The following KIAA1755 variants were observed in gnomAD, a reference collection of about 807,000 sequenced individuals.
KIAA1755 encodes the protein uncharacterized protein KIAA1755.
KIAA1755 carries 68 observed loss-of-function variants against 91.7 expected under a neutral mutation model. The observed-to-expected ratio is 0.74, with a 90% CI of 0.61 to 0.91. The LOEUF (loss-of-function observed/expected upper bound fraction) is 0.91. Ranked by LOEUF, KIAA1755 falls within the 40% of genes least tolerant of loss-of-function variation. The pLI is 0.00. For missense variants in KIAA1755, 1,535 were observed against 1,494.4 expected, an observed-to-expected ratio of 1.03 and a Z score of -0.45; for synonymous variants, 610 against 604.6, an observed-to-expected ratio of 1.01 and a Z score of -0.13.
chr20:38,251,271 G>T (rs897742970), intron 1 of KIAA1755, among the ~76,000 whole-genome samples: 1 of 152,156 alleles, frequency 6.6e-6, no homozygotes, highest in African/African-American at 2.4e-5. Context: ...CCCAGAGGAA[G>T]TCTTTCTCCT....
chr20:38,250,812 G>A (rs988348944), intron 1 of KIAA1755, among the ~76,000 whole-genome samples: 1 of 151,978 alleles, frequency 6.6e-6, no homozygotes, highest in Non-Finnish European at 1.5e-5. Flanking sequence ...GCGCCATGAT[G>A]TTCTACACAG....
Position 38,240,602 on chromosome 20 carries a change from CG to C in KIAA1755, c.1528del (p.Arg510GlufsTer25). ...CTTACCTTTCCCCAAAGATTTGGCT[CG>C]GTTGGGTTTAGGAGAGTAGAGGGAA... The part of the protein sequence containing the change: ...LCSLYSPKPN[R>X]AKSLGKAGTT... On this transcript the variant is annotated frameshift_variant, in exon 3 of 14. Transcript: ENST00000279024. LOFTEE classifies it high-confidence loss of function. The C allele has an allele frequency of 6.7e-7, 1 of 1,484,032 alleles. No individual in the cohort carries two copies. Among genetic ancestry groups the C allele is most frequent in the South Asian group, 1.5e-5 (1 of 67,496 alleles). 91.9% of individuals were successfully genotyped at this position (1,484,032 alleles called of 1,614,324 possible).
Position 38,225,656 on chromosome 20 carries a change from G to T in KIAA1755, c.2169+9C>A. The T allele has an allele frequency of 6.4e-7, 1 of 1,563,374 alleles. No individual in the cohort carries two copies. The highest frequency in any genetic ancestry group is 8.8e-7 in the Non-Finnish European group (1 of 1,133,870). On this transcript the variant is annotated intron_variant, in intron 8 of 13. Coordinates refer to ENST00000279024, the MANE Select transcript of KIAA1755 (RefSeq NM_001029864.2). ...GGGGTCAGGGGCTAAAGGCTGTGAC[G>T]GTAAACACCTGGAAGAAATGAACCC... is the stretch of plus-strand genomic sequence containing the variant.
At position 38,213,597 on chromosome 20, in the gene KIAA1755, G is replaced by A. The variant is rs573594717; in HGVS notation, c.3048C>T (p.Ala1016=). 5.3e-5 allele frequency: 86 copies of A among 1,609,570 alleles called. 1 individual carries two copies. In the East Asian group the frequency reaches 1.7e-3, roughly 31 times the overall value. Residue 1016 remains alanine (A), a synonymous_variant, in exon 14 of 14, where the codon GCC becomes GCT. Transcript: ENST00000279024. ...ASEFPAEKLA[A]VGLQVASLSR... ...TCAGGGAGGCCACCTGCAGCCCCAC[G>A]GCTGCGAGCTTCTCAGCAGGGAACT...
At chr20:38,255,984 T>C (rs1254257875) in intron 1 of KIAA1755, among the ~76,000 whole-genome samples, 1 of 152,250 alleles carries the variant, frequency 6.6e-6, no homozygotes, top group African/African-American at 2.4e-5. Context: ...CTGTCTTGTG[T>C]GTTAGGCCCC....
chr20:38,219,738 G>A lies in KIAA1755; in HGVS notation c.2448C>T (p.Tyr816=), dbSNP rs1162249193. The change falls in exon 11 of 14, where the codon TAC becomes TAT. Residue 816 remains tyrosine (Y), a synonymous_variant. Coordinates refer to ENST00000279024, the MANE Select transcript of KIAA1755 (RefSeq NM_001029864.2). ...CATGAAGCTGCTCGTCCACAAGGCT[G>A]TACAAGGCAGTGGCTGCAGCCAGAT... is the stretch of plus-strand genomic sequence containing the variant. ...RSHLAAATAL[Y]SLVDEQLHVL... 6.2e-7 allele frequency: 1 copy of A among 1,614,186 alleles called. No homozygotes were observed. Among genetic ancestry groups the A allele is most frequent in the South Asian group, 1.1e-5 (1 of 91,090 alleles).
chr20:38,222,394 G>A, intron 10 of KIAA1755, 55 bp downstream of exon 10: 1 of 1,575,062 alleles, frequency 6.3e-7, no homozygotes, highest in Non-Finnish European at 8.6e-7. Flanking sequence ...CCAGCTCCAA[G>A]CTCCTGGGCC....
At chr20:38,235,149 A>C (rs2075938356) in intron 4 of KIAA1755, among the ~76,000 whole-genome samples, 1 of 152,218 alleles carries the variant, frequency 6.6e-6, no homozygotes, top group Non-Finnish European at 1.5e-5. Flanking sequence ...AATGTATTCT[A>C]TTTATGGATA....
intron 1 of KIAA1755, among the ~76,000 whole-genome samples, chr20:38,247,639 C>T (rs1353457731): frequency 2.0e-5 from 3 of 152,206 alleles, no homozygotes; most frequent in Non-Finnish European, 2.9e-5. Context: ...AACCTGTGAA[C>T]GTGCTGTTAC....
At chr20:38,245,705 A>G (rs1040093275) in intron 2 of KIAA1755, among the ~76,000 whole-genome samples, 1 of 152,182 alleles carries the variant, frequency 6.6e-6, no homozygotes, top group African/African-American at 2.4e-5. Context: ...TCTGCTGGTG[A>G]CAGTACAATG....
In KIAA1755 at chr20:38,241,650, G is replaced by A. The variant is rs770667180; in HGVS notation, c.481C>T (p.Pro161Ser). 1 of 1,614,242 alleles carries A rather than the reference G, an allele frequency of 6.2e-7. No individual in the cohort carries two copies. Among genetic ancestry groups the A allele is most frequent in the Admixed American group, 1.7e-5 (1 of 60,028 alleles). The change falls in exon 3 of 14, where the codon CCC becomes TCC. Residue 161 changes from proline (P) to serine (S), a missense_variant. By Grantham distance (74) the Pro-to-Ser change is moderately conservative. Transcript: ENST00000279024. ...EAINSDFEGN[P>S]LHNCLVASEN... ...GATGCTACCAAGCAGTTGTGTAGGG[G>A]ATTTCCCTCAAAGTCACTGTTGATG...
At chr20:38,238,614 T>C (rs574218223) in intron 4 of KIAA1755, among the ~76,000 whole-genome samples, 38 of 152,306 alleles carry the variant, frequency 2.5e-4, no homozygotes, top group Middle Eastern at 3.4e-3. Context: ...CCTTCCCAAC[T>C]GTCACACTTT....
At chr20:38,231,068 GT>G in intron 5 of KIAA1755, 133 bp downstream of exon 5, 1 of 987,384 alleles carries the variant, frequency 1.0e-6, no homozygotes, top group Non-Finnish European at 1.5e-6. Flanking sequence ...CCCGGCATCT[GT>G]CTGGGGACTG....
intron 10 of KIAA1755, among the ~76,000 whole-genome samples, chr20:38,220,139 A>G (rs975308161): frequency 6.6e-6 from 1 of 152,104 alleles, no homozygotes; most frequent in African/African-American, 2.4e-5. Context: ...CACAGAACCC[A>G]CTTCATAGCA....
intron 1 of KIAA1755, among the ~76,000 whole-genome samples, chr20:38,252,008 A>AG (rs1390154292): frequency 6.6e-6 from 1 of 152,160 alleles, no homozygotes; most frequent in Admixed American, 6.5e-5. Flanking sequence ...CTCCAGAGAG[A>AG]GGCCCCTTGC....
At chr20:38,250,065 TC>T (rs1170863412) in intron 1 of KIAA1755, among the ~76,000 whole-genome samples, 1 of 152,248 alleles carries the variant, frequency 6.6e-6, no homozygotes, top group African/African-American at 2.4e-5. Flanking sequence ...GGAAATTTAA[TC>T]ATTCATGATG....
rs1384459081 is a variant in KIAA1755 at position 38,231,279 on chromosome 20, T to C, written c.1794A>G (p.Thr598=). 7.4e-6 allele frequency: 12 copies of C among 1,612,708 alleles called. No individual in the cohort carries two copies. Among genetic ancestry groups the C allele is most frequent in the Non-Finnish European group, 1.0e-5 (12 of 1,179,694 alleles). Residue 598 remains threonine, a synonymous_variant, in exon 5 of 14, where the codon ACA becomes ACG. Transcript: ENST00000279024. The part of the protein sequence containing the change: ...AGRPLLLVST[T]EGAWEAPWCT... ...ACCATGGTGCCTCCCAGGCCCCCTCTGTAGTTGACACCAGAAGCAGGGGCC... is the reference window on the plus strand; with the variant it reads ...ACCATGGTGCCTCCCAGGCCCCCTCCGTAGTTGACACCAGAAGCAGGGGCC...
intron 1 of KIAA1755, among the ~76,000 whole-genome samples, chr20:38,250,668 T>A (rs2076236021): frequency 6.6e-6 from 1 of 152,000 alleles, no homozygotes; most frequent in Non-Finnish European, 1.5e-5. Flanking sequence ...AGTGGCTGCT[T>A]CTACGAGGAG....
At chr20:38,216,795 G>T in intron 13 of KIAA1755, 1 of 463,142 alleles carries the variant, frequency 2.2e-6, no homozygotes. Context: ...GTGCTCACAG[G>T]AGGTCTGGCA....
Sources: gnomAD v4.1 joint callset for allele counts (sites outside exome capture counted in the v4.1 genomes callset) on GRCh38, gnomAD v4.1.1 for gene constraint, MANE v1.5 for transcripts, NCBI Gene and HGNC (gene_info 2026-07-23, HGNC 2026-07-21) for gene names.